PBX1: variants seen among roughly 807,000 people sequenced by gnomAD.
PBX1 encodes pre-B-cell leukemia transcription factor 1.
A neutral mutation model predicts 53.4 loss-of-function variants in PBX1; 6 were observed. The observed-to-expected ratio is 0.11, with a 90% CI of 0.06 to 0.22. The LOEUF is 0.22. Ranked by LOEUF, PBX1 falls within the 10% of genes least tolerant of loss-of-function variation. The pLI is 1.00. For missense variants in PBX1, 251 were observed against 551.4 expected, an observed-to-expected ratio of 0.46 and a Z score of 5.46; for synonymous variants, 204 against 212.3, an observed-to-expected ratio of 0.96 and a Z score of 0.34.
At chr1:164,737,190 G>A (rs2102154662) in intron 2 of PBX1, among the ~76,000 whole-genome samples, 1 of 152,238 alleles carries the variant, frequency 6.6e-6, no homozygotes, top group East Asian at 1.9e-4. Context: ...ACAGGCCATG[G>A]ACTGACAAGC....
chr1:164,867,898 C>G (rs1171763703), intron 2 of PBX1, among the ~76,000 whole-genome samples: 1 of 152,240 alleles, frequency 6.6e-6, no homozygotes, highest in Non-Finnish European at 1.5e-5. Flanking sequence ...GAAATCCCTT[C>G]AGTAACAGCC....
intron 2 of PBX1, among the ~76,000 whole-genome samples, chr1:164,622,650 T>A (rs952125891): frequency 2.6e-5 from 4 of 152,160 alleles, no homozygotes; most frequent in African/African-American, 7.2e-5. Flanking sequence ...CTTCATTATC[T>A]TCTTGTCCTG....
intron 3 of PBX1, among the ~76,000 whole-genome samples, chr1:164,799,112 A>G (rs1469505588): frequency 1.3e-5 from 2 of 152,180 alleles, no homozygotes; most frequent in African/African-American, 4.8e-5. Flanking sequence ...TAGAAGTCAT[A>G]TTCTTACATT....
At chr1:164,569,566 T>A (rs1320766651) in intron 2 of PBX1, among the ~76,000 whole-genome samples, 2 of 71,132 alleles carry the variant, frequency 2.8e-5, no homozygotes, top group African/African-American at 1.1e-4. Flanking sequence ...TTCCTTGCAT[T>A]TTTTTTTTTT....
chr1:164,848,755 C>T lies in PBX1; in HGVS notation c.*2079C>T, dbSNP rs917180595. ...GAGGCTTCCAGGGAGAAGTATGAGA[C>T]CCTGAGGGGTGAGAATGGGCAGCTA... On this transcript the variant is annotated 3_prime_UTR_variant, in exon 9 of 9. Coordinates refer to ENST00000420696, the MANE Select transcript of PBX1 (RefSeq NM_002585.4). The T allele has an allele frequency of 8.0e-5, 85 of 1,060,082 alleles. 1 individual carries two copies. The South Asian group carries it at 1.7e-3, about 22-fold the overall frequency. The allele number at this position is 1,060,082 out of a possible 1,614,324, so 65.7% of individuals were successfully genotyped here. A position where few individuals can be genotyped will look rare whatever the true frequency, so the allele number is the denominator to read the frequency against.
chr1:164,621,433 A>G (rs1213850324), intron 2 of PBX1, among the ~76,000 whole-genome samples: 6 of 152,124 alleles, frequency 3.9e-5, no homozygotes, highest in Non-Finnish European at 7.4e-5. Flanking sequence ...CACTATGAGA[A>G]AGCATCGCAA....
At chr1:164,873,207 T>G (rs997814182) in intron 2 of PBX1, among the ~76,000 whole-genome samples, 5 of 152,240 alleles carry the variant, frequency 3.3e-5, no homozygotes, top group Admixed American at 1.3e-4. Context: ...TCATTCATGT[T>G]TTGATCAGTA....
intron 2 of PBX1, among the ~76,000 whole-genome samples, chr1:164,588,102 C>T (rs1400115220): frequency 2.0e-5 from 3 of 152,066 alleles, no homozygotes; most frequent in African/African-American, 7.2e-5. Context: ...ATGCGGGCCC[C>T]AAATGATTGA....
At chr1:164,879,678 T>C (rs1371898260) in intron 2 of PBX1, among the ~76,000 whole-genome samples, 1 of 152,182 alleles carries the variant, frequency 6.6e-6, no homozygotes, top group Admixed American at 6.5e-5. Context: ...GTAGTCATGA[T>C]GGTTAAATGT....
intron 2 of PBX1, among the ~76,000 whole-genome samples, chr1:164,624,403 T>C (rs1157478440): frequency 2.0e-5 from 3 of 152,202 alleles, no homozygotes; most frequent in Admixed American, 2.0e-4. Flanking sequence ...AGGAGTGGTA[T>C]GTGTAAAATC....
At chr1:164,565,723 A>G (rs1653387212) in intron 2 of PBX1, among the ~76,000 whole-genome samples, 1 of 151,584 alleles carries the variant, frequency 6.6e-6, no homozygotes, top group Admixed American at 6.6e-5. Context: ...GGTCGGAGGA[A>G]CAAAGTGTCT....
At chr1:164,820,220 C>T (rs1238818595) in intron 7 of PBX1, 36 bp downstream of exon 7, 1 of 1,174,176 alleles carries the variant, frequency 8.5e-7, no homozygotes, top group East Asian at 2.3e-5. Flanking sequence ...AGGTGAATGC[C>T]TTAGAGTCCA....
rs1428509783 is a variant in PBX1, at chr1:164,850,233, T to G, written c.*3557T>G. The G allele has an allele frequency of 4.4e-6, 1 of 225,268 alleles. No homozygotes were observed. The highest frequency in any genetic ancestry group is 1.8e-4 in the South Asian group (1 of 5,458). 14.0% of individuals were successfully genotyped at this position (225,268 alleles called of 1,614,324 possible). A position where few individuals can be genotyped will look rare whatever the true frequency, so the allele number is the denominator to read the frequency against. On this transcript the variant is annotated 3_prime_UTR_variant, in exon 9 of 9. Coordinates refer to ENST00000420696, the MANE Select transcript of PBX1 (RefSeq NM_002585.4). Reference sequence around the variant, plus strand: ...TCATTTCCCTCATTTTTCTTTTATTTTCTTGCATTTGTGAATTAGTTCAAG... The same window carrying G: ...TCATTTCCCTCATTTTTCTTTTATTGTCTTGCATTTGTGAATTAGTTCAAG...
At chr1:164,823,823 T>G (rs575396791) in intron 8 of PBX1, among the ~76,000 whole-genome samples, 3 of 152,302 alleles carry the variant, frequency 2.0e-5, no homozygotes. Flanking sequence ...TATTTCTGGG[T>G]CTTTAATATG....
Position 164,820,870 on chromosome 1 carries a change from T to C in PBX1, c.1111-667T>C, listed in dbSNP as rs369861670. Among the ~76,000 whole-genome samples the C allele has an allele frequency of 1.5e-3, 234 of 152,274 alleles. No homozygotes were observed. In the Middle Eastern group the frequency reaches 0.02, roughly 13 times the overall value. ...TAAAGTAGTATGCTGTGGGTCAGAA[T>C]TACTAGGGAAGTTCTGAGCCATGTC... On this transcript the variant is annotated intron_variant, in intron 7 of 8. Coordinates refer to ENST00000420696, the MANE Select transcript of PBX1 (RefSeq NM_002585.4).
chr1:164,774,123 A>G (rs1300845488), intron 2 of PBX1, among the ~76,000 whole-genome samples: 1 of 152,250 alleles, frequency 6.6e-6, no homozygotes, highest in Non-Finnish European at 1.5e-5. Context: ...GGTGCTATGA[A>G]TAGGATGTTA....
intron 2 of PBX1, chr1:164,770,297 C>G (rs1667298103): frequency 6.6e-6 from 1 of 152,186 alleles, no homozygotes; most frequent in Non-Finnish European, 1.5e-5. Flanking sequence ...TTACAAAGAT[C>G]AAGAGTGGCA....
chr1:164,640,188 T>C (rs1046562653), intron 2 of PBX1, among the ~76,000 whole-genome samples: 4 of 152,094 alleles, frequency 2.6e-5, no homozygotes, highest in African/African-American at 9.7e-5. Context: ...GGTGGGTCAG[T>C]AGGGTTGGAA....
At chr1:164,823,626 G>T (rs12744722) in intron 8 of PBX1, among the ~76,000 whole-genome samples, 21 of 124,362 alleles carry the variant, frequency 1.7e-4, no homozygotes, top group African/African-American at 3.0e-4. Context: ...GTGGGGGGGG[G>T]GGTCAACACT....
Sources: gnomAD v4.1 joint callset for allele counts (sites outside exome capture counted in the v4.1 genomes callset) on GRCh38, gnomAD v4.1.1 for gene constraint, MANE v1.5 for transcripts, NCBI Gene and HGNC (gene_info 2026-07-23, HGNC 2026-07-21) for gene names.